The following SRD5A2 variants were observed in gnomAD, a reference collection of about 807,000 sequenced individuals.
SRD5A2 encodes the protein steroid 5 alpha-reductase 2, also known as 3-oxo-5-alpha-steroid 4-dehydrogenase 2.
SRD5A2 carries 30 observed loss-of-function variants against 27.4 expected under a neutral mutation model. The ratio of observed to expected loss-of-function variants is 1.10; its 90% CI spans 0.82 to 1.49. The LOEUF (loss-of-function observed/expected upper bound fraction) is 1.49. Among genes scored for constraint, SRD5A2 ranks in the 40% most tolerant of loss-of-function variants. The pLI, the probability that SRD5A2 is intolerant of heterozygous loss-of-function variation, is 0.00. For missense variants in SRD5A2, 348 were observed against 323.4 expected, an observed-to-expected ratio of 1.08 and a Z score of -0.58; for synonymous variants, 141 against 133.6, an observed-to-expected ratio of 1.06 and a Z score of -0.38.
At chr2:31,638,845 G>A in the SRD5A2 span, among the ~76,000 whole-genome samples, 1 of 151,092 alleles carries the variant, frequency 6.6e-6, no homozygotes, top group African/African-American at 2.4e-5. Flanking sequence ...TATATAATTG[G>A]GTCTTGCTTT....
intron 1 of SRD5A2, among the ~76,000 whole-genome samples, chr2:31,543,423 T>A (rs1011905364): frequency 6.6e-6 from 1 of 152,194 alleles, no homozygotes; most frequent in Non-Finnish European, 1.5e-5. Context: ...TAACAATGTT[T>A]CTTGACTTTG....
chr2:31,648,517 T>G, the SRD5A2 span, among the ~76,000 whole-genome samples: 1 of 152,342 alleles, frequency 6.6e-6, no homozygotes, highest in African/African-American at 2.4e-5. Flanking sequence ...GGACCAAATT[T>G]TATGCCAGGC....
chr2:31,638,003 C>T, the SRD5A2 span, among the ~76,000 whole-genome samples: 2 of 151,978 alleles, frequency 1.3e-5, no homozygotes, highest in Non-Finnish European at 2.9e-5. Flanking sequence ...TTCTAGTTCA[C>T]TGAGATGCAT....
At chr2:31,636,395 T>A in the SRD5A2 span, among the ~76,000 whole-genome samples, 1 of 152,112 alleles carries the variant, frequency 6.6e-6, no homozygotes, top group Non-Finnish European at 1.5e-5. Context: ...CCTGCAACTT[T>A]ACTGAATTAT....
At chr2:31,541,606 G>A (rs563697821) in intron 1 of SRD5A2, among the ~76,000 whole-genome samples, 2 of 148,812 alleles carry the variant, frequency 1.3e-5, no homozygotes, top group African/African-American at 2.5e-5. Flanking sequence ...AAGCACCTTC[G>A]TAAAAACAGG....
chr2:31,652,316 T>C, the SRD5A2 span, among the ~76,000 whole-genome samples: 2 of 152,236 alleles, frequency 1.3e-5, no homozygotes, highest in African/African-American at 4.8e-5. Context: ...TGTGAAATTC[T>C]ATTGGGAAAT....
chr2:31,606,020 T>C, the SRD5A2 span, among the ~76,000 whole-genome samples: 7 of 152,052 alleles, frequency 4.6e-5, no homozygotes, highest in African/African-American at 1.4e-4. Flanking sequence ...CTGGAGGTTA[T>C]TATGTTAAGT....
chr2:31,536,334 A>G (rs1666027008), intron 1 of SRD5A2, among the ~76,000 whole-genome samples: 1 of 152,250 alleles, frequency 6.6e-6, no homozygotes, highest in South Asian at 2.1e-4. Context: ...ATGCCACAGT[A>G]AGATGCTATT....
chr2:31,571,999 T>C (rs1237588468), intron 1 of SRD5A2, among the ~76,000 whole-genome samples: 1 of 152,220 alleles, frequency 6.6e-6, no homozygotes. Context: ...AAGGAATATA[T>C]ATTGTTCTAC....
chr2:31,594,616 T>C, the SRD5A2 span, among the ~76,000 whole-genome samples: 8 of 152,166 alleles, frequency 5.3e-5, no homozygotes, highest in African/African-American at 1.4e-4. Context: ...GGAACTTCAA[T>C]AGAATACTCC....
chr2:31,579,869 C>T lies in SRD5A2; in HGVS notation c.281+751G>A, dbSNP rs575574595. Among the ~76,000 whole-genome samples, 3 of 152,232 alleles carry T rather than the reference C, an allele frequency of 2.0e-5. No homozygotes were observed. The East Asian group carries it at 5.8e-4, about 29-fold the overall frequency. ...GCAGAAAGCAAAGTTCTCCTGAACCCGGATTTTTTAAATCTAGAAGAACAT... is the reference window on the plus strand; with the variant it reads ...GCAGAAAGCAAAGTTCTCCTGAACCTGGATTTTTTAAATCTAGAAGAACAT... On this transcript the variant is annotated intron_variant, in intron 1 of 4. Transcript: ENST00000622030.
At chr2:31,537,128 T>A (rs542576499) in intron 1 of SRD5A2, among the ~76,000 whole-genome samples, 11 of 152,358 alleles carry the variant, frequency 7.2e-5, no homozygotes, top group African/African-American at 2.4e-4. Context: ...TTGCTAAGAT[T>A]ATCAAGCCAA....
At chr2:31,566,008 A>T (rs1666720937) in intron 1 of SRD5A2, among the ~76,000 whole-genome samples, 1 of 152,136 alleles carries the variant, frequency 6.6e-6, no homozygotes, top group Non-Finnish European at 1.5e-5. Context: ...TGTCATACAA[A>T]GTATGCTCTC....
chr2:31,615,069 G>C, the SRD5A2 span, among the ~76,000 whole-genome samples: 70 of 152,238 alleles, frequency 4.6e-4, no homozygotes, highest in African/African-American at 1.6e-3. Context: ...GGCCTCCCCA[G>C]CCACGTGGAA....
At chr2:31,610,423 T>A in the SRD5A2 span, among the ~76,000 whole-genome samples, 1 of 152,148 alleles carries the variant, frequency 6.6e-6, no homozygotes, top group African/African-American at 2.4e-5. Flanking sequence ...AAAAAGAATT[T>A]GATAAAAATT....
At chr2:31,563,027 C>G (rs1250765789) in intron 1 of SRD5A2, 1 of 152,092 alleles carries the variant, frequency 6.6e-6, no homozygotes, top group Non-Finnish European at 1.5e-5. Flanking sequence ...ACCAATCATT[C>G]ATAACCATCT....
chr2:31,592,086 AT>A, the SRD5A2 span, among the ~76,000 whole-genome samples: 3 of 151,652 alleles, frequency 2.0e-5, no homozygotes, highest in Non-Finnish European at 2.9e-5. Flanking sequence ...TTAAAGTATA[AT>A]TTAAAAAAAA....
At chr2:31,595,590 G>A in the SRD5A2 span, among the ~76,000 whole-genome samples, 1 of 152,056 alleles carries the variant, frequency 6.6e-6, no homozygotes, top group South Asian at 2.1e-4. Flanking sequence ...AAAAATCCAG[G>A]ACCAGATGGA....
the SRD5A2 span, among the ~76,000 whole-genome samples, chr2:31,614,612 G>A: frequency 2.6e-5 from 4 of 152,192 alleles, no homozygotes; most frequent in African/African-American, 9.7e-5. Flanking sequence ...GGACTCTTGT[G>A]TGGGGGCTTC....
Sources: allele counts gnomAD v4.1 joint callset (sites outside exome capture counted in the v4.1 genomes callset), GRCh38; gene constraint gnomAD v4.1.1; transcripts MANE v1.5; gene names NCBI Gene and HGNC (gene_info 2026-07-23, HGNC 2026-07-21).